Variants in RTRAF observed in about 807,000 individuals in gnomAD.
The protein encoded by RTRAF is tRNA-splicing ligase complex subunit RTRAF.
A neutral mutation model predicts 34.4 loss-of-function variants in RTRAF; 14 were observed. That is an observed-to-expected ratio of 0.41 (90% confidence interval 0.27 to 0.64). The LOEUF (loss-of-function observed/expected upper bound fraction) is 0.64, where lower values mean the gene tolerates loss of function less well. Ranked by LOEUF, RTRAF falls within the 30% of genes least tolerant of loss-of-function variation. RTRAF has a pLI of 0.34. For missense variants in RTRAF, 291 were observed against 288.4 expected, an observed-to-expected ratio of 1.01 and a Z score of -0.06; for synonymous variants, 96 against 95.3, an observed-to-expected ratio of 1.01 and a Z score of -0.04.
chr14:52,006,334 G>A lies in RTRAF; in HGVS notation c.*1818G>A, dbSNP rs1383168243. On this transcript the variant is annotated 3_prime_UTR_variant, in exon 8 of 8. Coordinates refer to ENST00000261700, the MANE Select transcript of RTRAF (RefSeq NM_016039.3). ...ATGTGAGCAATACCATTCGATTTCT[G>A]GGTGAAGTAAAAGGATGATTTCAAA... The A allele has an allele frequency of 1.8e-6, 1 of 554,562 alleles. No individual in the cohort carries two copies. Among genetic ancestry groups the A allele is most frequent in the Non-Finnish European group, 3.2e-6 (1 of 312,834 alleles). 34.4% of individuals were successfully genotyped at this position (554,562 alleles called of 1,614,324 possible).
Position 51,991,393 on chromosome 14 carries a change from G to A in RTRAF, c.138G>A (p.Gly46=), listed in dbSNP as rs894268446. 1.1e-5 allele frequency: 17 copies of A among 1,613,376 alleles called. No homozygotes were observed. The highest frequency in any genetic ancestry group is 1.6e-4 in the Middle Eastern group (1 of 6,080). Residue 46 remains glycine (G), a synonymous_variant, in exon 2 of 8, where the codon GGG becomes GGA. Coordinates refer to ENST00000261700, the MANE Select transcript of RTRAF (RefSeq NM_016039.3). Reference sequence around the variant, plus strand: ...GGCACTACAAGATTGAAGACAGAGGGAATTTAAGAAACATCCACAGCAGCG... The same window carrying A: ...GGCACTACAAGATTGAAGACAGAGGAAATTTAAGAAACATCCACAGCAGCG... The part of the protein sequence containing the change: ...KIRHYKIEDR[G]NLRNIHSSDW...
chr14:51,989,799 C>T, intron 1 of RTRAF, 99 bp downstream of exon 1: 1 of 1,287,786 alleles, frequency 7.8e-7, no homozygotes, highest in Non-Finnish European at 1.1e-6. Flanking sequence ...CCCTCGGCGG[C>T]CTGGTTTCCG....
chr14:52,002,144 A>C (rs1314781469), intron 6 of RTRAF, among the ~76,000 whole-genome samples: 2 of 152,306 alleles, frequency 1.3e-5, no homozygotes, highest in South Asian at 4.1e-4. Flanking sequence ...TGGCCCGTTG[A>C]AGTTTATTTA....
chr14:51,994,724 T>C (rs751064348), intron 3 of RTRAF, among the ~76,000 whole-genome samples: 13 of 152,182 alleles, frequency 8.5e-5, no homozygotes, highest in Non-Finnish European at 1.6e-4. Context: ...TTAATAAACA[T>C]ACATATCCAT....
rs111514528 is a variant in RTRAF at position 52,001,414 on chromosome 14, G to A, written c.463-384G>A. 6.6e-5 allele frequency among the ~76,000 whole-genome samples: 10 copies of A among 152,286 alleles called. No homozygotes were observed. In the South Asian group the frequency reaches 8.3e-4, roughly 13 times the overall value. The stretch of plus-strand genomic sequence containing the variant: ...CCCTTTGTGTCAAAAATGTGTATTC[G>A]TGCTAAGCATGCTCGTCATTTCGCA... On this transcript the variant is annotated intron_variant, in intron 5 of 7. Coordinates refer to ENST00000261700, the MANE Select transcript of RTRAF (RefSeq NM_016039.3).
intron 3 of RTRAF, 67 bp from the exon 4 acceptor site, chr14:51,998,427 T>G: frequency 1.2e-6 from 1 of 855,722 alleles, no homozygotes; most frequent in Non-Finnish European, 1.8e-6. Flanking sequence ...TTAAATTTGG[T>G]AAATAGCAGT....
chr14:51,989,785 G>C (rs1890396210), intron 1 of RTRAF, 85 bp downstream of exon 1: 5 of 1,387,576 alleles, frequency 3.6e-6, no homozygotes, highest in South Asian at 2.6e-5. Flanking sequence ...CCTCCCCGTC[G>C]GGACCCTCGG....
intron 3 of RTRAF, among the ~76,000 whole-genome samples, chr14:51,996,809 A>C (rs1271519): frequency 0.55 from 83,522 of 151,796 alleles, 23,351 homozygotes; most frequent in East Asian, 0.71. Flanking sequence ...CTTCTCTCGA[A>C]AGAAAAAAAT....
rs780760130 is a variant in RTRAF at position 51,993,857 on chromosome 14, G to A, written c.286+35G>A. 4.1e-5 allele frequency: 53 copies of A among 1,281,588 alleles called. No individual in the cohort carries two copies. The South Asian group carries it at 6.8e-4, about 16-fold the overall frequency. 79.4% of individuals were successfully genotyped at this position (1,281,588 alleles called of 1,614,324 possible). A position where few individuals can be genotyped will look rare whatever the true frequency, so the allele number is the denominator to read the frequency against. The stretch of plus-strand genomic sequence containing the variant: ...GTGGGGAATGTGTATTTTAAAGAGA[G>A]AGGAAAGATGGGAAAGGGAGTGTGA... On this transcript the variant is annotated intron_variant, in intron 3 of 7. Transcript: ENST00000261700.
rs756191573 is a variant in RTRAF, at chr14:52,004,430, A to T, written c.649A>T (p.Thr217Ser). 6.2e-7 allele frequency: 1 copy of T among 1,614,022 alleles called. No homozygotes were observed. Among genetic ancestry groups the T allele is most frequent in the South Asian group, 1.1e-5 (1 of 91,076 alleles). ...LHIEELRELQTKINEAIVAVQ... is the reference protein window; with the variant it reads ...LHIEELRELQSKINEAIVAVQ... ...CATAGAGGAGCTCAGAGAGCTACAGACAAAAATCAACGAAGCCATAGTAGC... is the reference window on the plus strand; with the variant it reads ...CATAGAGGAGCTCAGAGAGCTACAGTCAAAAATCAACGAAGCCATAGTAGC... The change falls in exon 8 of 8, where the codon ACA becomes TCA. Residue 217 changes from threonine to serine, a missense_variant. Coordinates refer to ENST00000261700, the MANE Select transcript of RTRAF (RefSeq NM_016039.3).
intron 4 of RTRAF, among the ~76,000 whole-genome samples, chr14:51,998,905 A>C (rs1455334333): frequency 1.3e-5 from 2 of 151,896 alleles, no homozygotes; most frequent in East Asian, 3.8e-4. Flanking sequence ...CAAGTGGTAA[A>C]ATTTTCCATT....
rs773352022 is a variant in RTRAF, at chr14:52,005,751, G to T, written c.*1235G>T. The T allele has an allele frequency of 2.5e-6, 4 of 1,612,228 alleles. No homozygotes were observed. The Admixed American group carries it at 6.7e-5, about 27-fold the overall frequency. On this transcript the variant is annotated 3_prime_UTR_variant, in exon 8 of 8. Transcript: ENST00000261700. ...ATACTTTTTACCTGTTGGGCAGTAGGGGTAGACTGCAGTTATCCCGTAGAG... is the reference window on the plus strand; with the variant it reads ...ATACTTTTTACCTGTTGGGCAGTAGTGGTAGACTGCAGTTATCCCGTAGAG...
rs748912733 is a variant in RTRAF, at chr14:52,007,758, C to T, written c.*3242C>T. 41 of 1,474,536 alleles carry T rather than the reference C, an allele frequency of 2.8e-5. No homozygotes were observed. The highest frequency in any genetic ancestry group is 3.8e-5 in the Non-Finnish European group (40 of 1,065,910). The allele number at this position is 1,474,536 out of a possible 1,614,324, so 91.3% of individuals were successfully genotyped here. A position where few individuals can be genotyped will look rare whatever the true frequency, so the allele number is the denominator to read the frequency against. ...TTTTGTAGTAAAATCTGTTAGTGCT[C>T]ACATTCACTGTGATGAGAGGTTATC... On this transcript the variant is annotated 3_prime_UTR_variant, in exon 8 of 8. Coordinates refer to ENST00000261700, the MANE Select transcript of RTRAF (RefSeq NM_016039.3).
At chr14:51,998,252 G>C in intron 3 of RTRAF, 2 of 353,916 alleles carry the variant, frequency 5.7e-6, no homozygotes, top group Non-Finnish European at 1.0e-5. Context: ...ATGTGTATAA[G>C]TTGTACATTG....
intron 3 of RTRAF, among the ~76,000 whole-genome samples, chr14:51,997,087 T>C (rs1890533092): frequency 6.6e-6 from 1 of 152,054 alleles, no homozygotes; most frequent in African/African-American, 2.4e-5. Context: ...TTACTAGTTA[T>C]GTTACTTTGA....
chr14:52,002,781 C>T (rs532049836), intron 6 of RTRAF, among the ~76,000 whole-genome samples: 2 of 152,190 alleles, frequency 1.3e-5, no homozygotes. Context: ...TCCCCCATCT[C>T]CCAATGCCTT....
In RTRAF at chr14:51,993,719, A is replaced by G; in HGVS notation, c.187-4A>G. 3 of 1,552,828 alleles carry G rather than the reference A, an allele frequency of 1.9e-6. No individual in the cohort carries two copies. Among genetic ancestry groups the G allele is most frequent in the Non-Finnish European group, 2.6e-6 (3 of 1,134,090 alleles). On this transcript the variant is annotated splice_region_variant and splice_polypyrimidine_tract_variant and intron_variant, in intron 2 of 7. Transcript: ENST00000261700. ...TGGTGGTTTTCTTTTCTTCCCCCTC[A>G]CAGTATCTCAGAGATGTTAACTGTC...
intron 3 of RTRAF, among the ~76,000 whole-genome samples, chr14:51,997,118 C>T (rs1890533368): frequency 1.3e-5 from 2 of 151,904 alleles, no homozygotes; most frequent in Non-Finnish European, 1.5e-5. Context: ...ATGGTTTCTC[C>T]ACTGTAAAGT....
rs560393504 is a variant in RTRAF, at chr14:51,990,434, T to A, written c.61+734T>A. Among the ~76,000 whole-genome samples the A allele has an allele frequency of 1.2e-4, 18 of 152,328 alleles. 1 individual carries two copies. The South Asian group carries it at 3.1e-3, about 26-fold the overall frequency. ...TGTGGCCTGTGATAGACTGGTAAGT[T>A]TGAAAGTGATCAAGTATAACTTGTG... On this transcript the variant is annotated intron_variant, in intron 1 of 7. Transcript: ENST00000261700.
Sources: allele counts gnomAD v4.1 joint callset (sites outside exome capture counted in the v4.1 genomes callset), GRCh38; gene constraint gnomAD v4.1.1; transcripts MANE v1.5; gene names NCBI Gene and HGNC (gene_info 2026-07-23, HGNC 2026-07-21).